CHN2: variants seen among roughly 807,000 people sequenced by gnomAD.
The protein encoded by CHN2 is beta-chimaerin.
Under a neutral mutation model 56.3 loss-of-function variants are expected in CHN2, and 35 were observed. That is an observed-to-expected ratio of 0.62 (90% CI 0.47 to 0.82). The LOEUF is 0.82. Among genes scored for constraint, CHN2 ranks in the 40% least tolerant of loss-of-function variants. CHN2 has a pLI of 0.00. For synonymous variants in CHN2, 210 were observed against 212.8 expected (o/e 0.99, Z 0.12); for missense variants, 491 against 580.5 (o/e 0.85, Z 1.58).
At chr7:29,308,617 C>T (rs1370889817) in intron 1 of CHN2, among the ~76,000 whole-genome samples, 5 of 152,116 alleles carry the variant, frequency 3.3e-5, no homozygotes, top group Non-Finnish European at 7.4e-5. Flanking sequence ...GCAAGGAATG[C>T]GTGGAGGATT....
intron 2 of CHN2, among the ~76,000 whole-genome samples, chr7:29,364,793 A>G (rs977280449): frequency 6.6e-6 from 1 of 152,202 alleles, no homozygotes; most frequent in Admixed American, 6.5e-5. Flanking sequence ...TCAAAACTCA[A>G]AACAACATAA....
chr7:29,161,190 C>T (rs1277083262), intron 2 of CHN2, among the ~76,000 whole-genome samples: 6 of 152,228 alleles, frequency 3.9e-5, no homozygotes, highest in Non-Finnish European at 8.8e-5. Flanking sequence ...CAACATTAGC[C>T]TTGACCAGGC....
chr7:29,291,687 C>T (rs773990156), intron 1 of CHN2, among the ~76,000 whole-genome samples: 1 of 151,984 alleles, frequency 6.6e-6, no homozygotes, highest in African/African-American at 2.4e-5. Context: ...TCTAATAAAC[C>T]ATGCTGCAAT....
At chr7:29,203,361 G>A (rs1366780720) in intron 1 of CHN2, among the ~76,000 whole-genome samples, 1 of 150,930 alleles carries the variant, frequency 6.6e-6, no homozygotes, top group Non-Finnish European at 1.5e-5. Context: ...CAGCTATTCA[G>A]GAGGCTGAGG....
At chr7:29,338,662 T>A (rs1796809727) in intron 1 of CHN2, among the ~76,000 whole-genome samples, 2 of 152,200 alleles carry the variant, frequency 1.3e-5, no homozygotes, top group Non-Finnish European at 2.9e-5. Context: ...CATTGCAACC[T>A]CCATCTCCCA....
chr7:29,258,587 G>A (rs1192210739), intron 1 of CHN2, among the ~76,000 whole-genome samples: 4 of 152,114 alleles, frequency 2.6e-5, no homozygotes, highest in Non-Finnish European at 5.9e-5. Context: ...CTTGCTATCT[G>A]TACTACTAAT....
intron 1 of CHN2, among the ~76,000 whole-genome samples, chr7:29,290,976 G>A (rs773502510): frequency 1.3e-5 from 2 of 152,126 alleles, no homozygotes; most frequent in Non-Finnish European, 2.9e-5. Flanking sequence ...TTTATATGTT[G>A]GCATGCTTTC....
At chr7:29,312,694 C>G (rs1225740889) in intron 1 of CHN2, among the ~76,000 whole-genome samples, 1 of 152,062 alleles carries the variant, frequency 6.6e-6, no homozygotes, top group Non-Finnish European at 1.5e-5. Flanking sequence ...AAAAAATTTG[C>G]TTCTCCTGCT....
At position 29,423,278 on chromosome 7, in the gene CHN2, C is replaced by G. The variant is rs73306858; in HGVS notation, c.576+22450C>G. Among the ~76,000 whole-genome samples the G allele has an allele frequency of 7.3e-3, 1,109 of 152,310 alleles. 18 individuals carry two copies. The highest frequency in any genetic ancestry group is 0.025 in the African/African-American group (1,039 of 41,558). ...GCTGGAATGCACTGCCCCTGCACCC[C>G]GCAGGACTGAAGACTCATTCCCCCA... On this transcript the variant is annotated intron_variant, in intron 6 of 12. Coordinates refer to ENST00000222792, the MANE Select transcript of CHN2 (RefSeq NM_004067.4).
At chr7:29,283,055 C>T (rs1791845881) in intron 1 of CHN2, among the ~76,000 whole-genome samples, 1 of 152,148 alleles carries the variant, frequency 6.6e-6, no homozygotes, top group Admixed American at 6.5e-5. Flanking sequence ...GCCACCTCTC[C>T]TGGAAGCTGT....
chr7:29,457,024 T>C (rs1424211177), intron 6 of CHN2, among the ~76,000 whole-genome samples: 1 of 152,144 alleles, frequency 6.6e-6, no homozygotes, highest in African/African-American at 2.4e-5. Flanking sequence ...TCTGGACAAA[T>C]ATTCAGCTTA....
chr7:29,195,043 C>T, intron 1 of CHN2, 53 bp downstream of exon 1: 1 of 1,547,666 alleles, frequency 6.5e-7, no homozygotes, highest in Non-Finnish European at 8.7e-7. Context: ...GCCCCACTGC[C>T]CTCGCCCCGC....
rs74968593 is a variant in CHN2 at position 29,149,880 on chromosome 7, A to G, written c.274+2920A>G. ...AATTTCACCTATTTATGAGGACACC[A>G]ATGACATTGGATTAGGGTCCACTCT... On this transcript the variant is annotated intron_variant, in intron 2 of 6. Transcript: ENST00000439384. Among the ~76,000 whole-genome samples the G allele has an allele frequency of 5.7e-3, 864 of 152,236 alleles. 10 individuals carry two copies. The highest frequency in any genetic ancestry group is 0.02 in the African/African-American group (822 of 41,542).
chr7:29,235,012 A>G (rs1787076454), intron 1 of CHN2, among the ~76,000 whole-genome samples: 1 of 152,220 alleles, frequency 6.6e-6, no homozygotes, highest in Non-Finnish European at 1.5e-5. Context: ...TCTAAGGCCA[A>G]CTTAGTTCCA....
chr7:29,493,915 C>T (rs1209906839), intron 7 of CHN2, among the ~76,000 whole-genome samples: 5 of 152,278 alleles, frequency 3.3e-5, no homozygotes, highest in Middle Eastern at 3.4e-3. Context: ...TCCTACTGTA[C>T]TTAGATTGAA....
intron 1 of CHN2, among the ~76,000 whole-genome samples, chr7:29,339,005 T>C (rs1562528696): frequency 6.6e-6 from 1 of 152,218 alleles, no homozygotes; most frequent in East Asian, 1.9e-4. Flanking sequence ...AGGAATGTTA[T>C]CTTAGATTTT....
chr7:29,483,430 G>GCT (rs1410171555), intron 7 of CHN2, among the ~76,000 whole-genome samples: 14 of 152,148 alleles, frequency 9.2e-5, no homozygotes, highest in Non-Finnish European at 8.8e-5. Flanking sequence ...AAGGACAGTT[G>GCT]GCACCTCATC....
chr7:29,259,182 G>T (rs1789333891), intron 1 of CHN2, among the ~76,000 whole-genome samples: 1 of 152,108 alleles, frequency 6.6e-6, no homozygotes, highest in South Asian at 2.1e-4. Context: ...ACAAAAATTA[G>T]CTGGACATGG....
At chr7:29,496,250 A>AC (rs1789269968) in intron 8 of CHN2, among the ~76,000 whole-genome samples, 1 of 152,114 alleles carries the variant, frequency 6.6e-6, no homozygotes, top group Non-Finnish European at 1.5e-5. Context: ...AAAGAAAAAA[A>AC]AAAACAAAAA....
Sources: allele counts gnomAD v4.1 joint callset (sites outside exome capture counted in the v4.1 genomes callset), GRCh38; gene constraint gnomAD v4.1.1; transcripts MANE v1.5; gene names NCBI Gene and HGNC (gene_info 2026-07-23, HGNC 2026-07-21).